Variants in DEAF1 observed in about 807,000 individuals in gnomAD.
DEAF1 encodes the protein DEAF1 transcription factor, also known as deformed epidermal autoregulatory factor 1 homolog.
Under a neutral mutation model 58.9 loss-of-function variants are expected in DEAF1, and 53 were observed. The observed-to-expected ratio is 0.90, with a 90% confidence interval of 0.72 to 1.13. DEAF1 has a LOEUF of 1.13. Among genes scored for constraint, DEAF1 ranks in the 50% most tolerant of loss-of-function variants. The pLI, the probability that DEAF1 is intolerant of heterozygous loss-of-function variation, is 0.00. For synonymous variants in DEAF1, 385 were observed against 340.4 expected (o/e 1.13, Z -1.44); for missense variants, 685 against 791.4 (o/e 0.87, Z 1.61).
At chr11:691,901 C>A (rs958266850) in intron 1 of DEAF1, among the ~76,000 whole-genome samples, 2 of 152,168 alleles carry the variant, frequency 1.3e-5, no homozygotes, top group Non-Finnish European at 2.9e-5. Context: ...CAAACCACCA[C>A]GGGGCTTCTA....
chr11:678,666 G>C (rs1368255985), intron 9 of DEAF1, 28 bp downstream of exon 9: 8 of 1,613,582 alleles, frequency 5.0e-6, no homozygotes, highest in Non-Finnish European at 6.8e-6. Flanking sequence ...ACAATAACCT[G>C]TACATGTGTG....
chr11:667,369 GAGGAAGGA>G (rs1214803701), intron 10 of DEAF1, among the ~76,000 whole-genome samples: 2 of 123,886 alleles, frequency 1.6e-5, no homozygotes, highest in African/African-American at 3.4e-5. Context: ...GGGAGGGAGG[GAGGAAGGA>G]AGGAAGGAAG....
intron 10 of DEAF1, chr11:674,138 C>A: frequency 3.3e-6 from 1 of 303,686 alleles, no homozygotes; most frequent in Non-Finnish European, 6.5e-6. Context: ...CAGGAAGGGG[C>A]TCAGCATTCG....
chr11:685,461 G>A (rs903074720), intron 5 of DEAF1, among the ~76,000 whole-genome samples: 1 of 151,714 alleles, frequency 6.6e-6, no homozygotes, highest in Admixed American at 6.6e-5. Flanking sequence ...TTGAGAGGCC[G>A]ACGCAGGCAG....
In DEAF1 at chr11:691,978, G is replaced by A. The variant is rs368938195; in HGVS notation, c.290-380C>T. On this transcript the variant is annotated intron_variant, in intron 1 of 11. Coordinates refer to ENST00000382409, the MANE Select transcript of DEAF1 (RefSeq NM_021008.4). ...TGCCCTATGCCTACGAGGAGCTCTC[G>A]GCCTCCCCGCAGGTGAGGACACCTC... Among the ~76,000 whole-genome samples the A allele has an allele frequency of 2.0e-3, 309 of 152,132 alleles. 2 individuals carry two copies. The highest frequency in any genetic ancestry group is 0.014 in the Middle Eastern group (4 of 294).
chr11:685,999 T>C (rs111985440), intron 5 of DEAF1, among the ~76,000 whole-genome samples: 64 of 130,134 alleles, frequency 4.9e-4, no homozygotes, highest in Non-Finnish European at 8.3e-4. Context: ...ACAAAAAAAA[T>C]AGGCCGGGTA....
At chr11:703,602 A>G in intron 1 of DEAF1, 2 of 1,232,994 alleles carry the variant, frequency 1.6e-6, no homozygotes, top group Non-Finnish European at 2.0e-6. Context: ...CTCCGTGGCC[A>G]GGCCCCACCT....
intron 11 of DEAF1, among the ~76,000 whole-genome samples, chr11:647,437 A>T (rs1403746293): frequency 6.6e-6 from 1 of 152,226 alleles, no homozygotes; most frequent in Non-Finnish European, 1.5e-5. Flanking sequence ...CCTGGGTGAC[A>T]GAGCCAGACC....
At chr11:701,934 G>A (rs1861516496) in intron 1 of DEAF1, among the ~76,000 whole-genome samples, 1 of 152,214 alleles carries the variant, frequency 6.6e-6, no homozygotes, top group Admixed American at 6.5e-5. Context: ...CAGACTTCCA[G>A]CCCTCTGCGT....
upstream of DEAF1, chr11:699,152 C>G (rs1306283638): frequency 2.0e-6 from 1 of 495,590 alleles, no homozygotes; most frequent in East Asian, 3.1e-5. Context: ...CCACCTGCCT[C>G]TGTCTCGGCC....
Position 688,387 on chromosome 11 carries a change from T to C in DEAF1, c.461A>G (p.Asp154Gly), listed in dbSNP as rs749062794. 1.9e-6 allele frequency: 3 copies of C among 1,613,860 alleles called. No individual in the cohort carries two copies. The highest frequency in any genetic ancestry group is 2.5e-6 in the Non-Finnish European group (3 of 1,180,020). ...CCCGGTGGTCTCCACGATGCTCCCATCTGTGTGGACGACAATCAGTGTCGC... is the reference window on the plus strand; with the variant it reads ...CCCGGTGGTCTCCACGATGCTCCCACCTGTGTGGACGACAATCAGTGTCGC... ...EKATLIVVHT[D>G]GSIVETTGLK... Residue 154 changes from aspartate to glycine, a missense_variant, in exon 3 of 12, where the codon GAT becomes GGT. By Grantham distance (94) the Asp-to-Gly change is moderately conservative. Coordinates refer to ENST00000382409, the MANE Select transcript of DEAF1 (RefSeq NM_021008.4). This position sits in a 1 kb window ranked among gnomAD's most constrained non-coding sequence, Gnocchi z 4.3.
chr11:668,332 C>T lies in DEAF1; in HGVS notation c.1503+6204G>A, dbSNP rs1292423321. On this transcript the variant is annotated intron_variant, in intron 10 of 11. Coordinates refer to ENST00000382409, the MANE Select transcript of DEAF1 (RefSeq NM_021008.4). ...CTTGACCTAATGACATTACAGAAAACGAAAACCAATGACTGAATAAAACTC... is the reference window on the plus strand; with the variant it reads ...CTTGACCTAATGACATTACAGAAAATGAAAACCAATGACTGAATAAAACTC... Among the ~76,000 whole-genome samples the T allele has an allele frequency of 8.5e-5, 13 of 152,122 alleles. No homozygotes were observed. The South Asian group carries it at 1.5e-3, about 17-fold the overall frequency.
rs376153947 is a variant in DEAF1 at position 686,827 on chromosome 11, T to G, written c.804+31A>C. Reference sequence around the variant, plus strand: ...CAGAGGGCCCCACGTCTGAACTGTGTGCTGAGCACAGGTGAGGTCACGGAC... The same window carrying G: ...CAGAGGGCCCCACGTCTGAACTGTGGGCTGAGCACAGGTGAGGTCACGGAC... On this transcript the variant is annotated intron_variant, in intron 5 of 11. Coordinates refer to ENST00000382409, the MANE Select transcript of DEAF1 (RefSeq NM_021008.4). 8 of 1,613,636 alleles carry G rather than the reference T, an allele frequency of 5.0e-6. No homozygotes were observed. In the African/African-American group the frequency reaches 1.1e-4, roughly 22 times the overall value.
intron 10 of DEAF1, among the ~76,000 whole-genome samples, chr11:667,094 G>T (rs11246252): frequency 0.083 from 12,602 of 151,880 alleles, 634 homozygotes; most frequent in Admixed American, 0.18. Context: ...CAGCTACTCA[G>T]AAGGCTGAGG....
chr11:659,330 T>C (rs1169503651), intron 10 of DEAF1, among the ~76,000 whole-genome samples: 3 of 151,492 alleles, frequency 2.0e-5, no homozygotes, highest in African/African-American at 4.9e-5. Flanking sequence ...GAGGTGGAGG[T>C]TGCAGTGAGC....
In DEAF1 at chr11:674,521, T is replaced by C. The variant is rs1257504426; in HGVS notation, c.1503+15A>G. The C allele has an allele frequency of 6.2e-7, 1 of 1,613,896 alleles. No individual in the cohort carries two copies. Among genetic ancestry groups the C allele is most frequent in the Non-Finnish European group, 8.5e-7 (1 of 1,180,010 alleles). ...CTCGGCACAGGTCGTGTCTTCCCAT[T>C]TGTTCCAAGGTTACCTCCTTCCGCT... On this transcript the variant is annotated intron_variant, in intron 10 of 11. Transcript: ENST00000382409.
chr11:651,820 A>G (rs1044909401), intron 11 of DEAF1, among the ~76,000 whole-genome samples: 1 of 152,244 alleles, frequency 6.6e-6, no homozygotes, highest in Non-Finnish European at 1.5e-5. Flanking sequence ...TGGGAGGCGG[A>G]GCTTGCGGTG....
At chr11:678,503 C>T (rs980559174) in intron 9 of DEAF1, 191 bp downstream of exon 9, 15 of 769,722 alleles carry the variant, frequency 1.9e-5, no homozygotes, top group South Asian at 4.6e-5. Context: ...CATGAATGGA[C>T]GTGGCTGTGT....
rs113539733 is a variant in DEAF1 at position 663,981 on chromosome 11, G to C, written c.1504-9930C>G. ...TAATCCCAGCTCTTTGGGAGGCTGA[G>C]GTGGGCGGATCACGTGAGGCTGGGA... On this transcript the variant is annotated intron_variant, in intron 10 of 11. Transcript: ENST00000382409. Among the ~76,000 whole-genome samples the C allele has an allele frequency of 4.7e-3, 716 of 152,342 alleles. 8 individuals are homozygous for C. Among genetic ancestry groups the C allele is most frequent in the African/African-American group, 0.016 (663 of 41,582 alleles).
Sources: gnomAD v4.1 joint callset for allele counts (sites outside exome capture counted in the v4.1 genomes callset) on GRCh38, gnomAD v4.1.1 for gene constraint, Gnocchi (gnomAD v3.1) non-coding constraint, MANE v1.5 for transcripts, NCBI Gene and HGNC (gene_info 2026-07-23, HGNC 2026-07-21) for gene names.